The following GLI3 variants were observed in gnomAD, a reference collection of about 807,000 sequenced individuals.
The protein encoded by GLI3 is GLI family zinc finger 3, also known as transcription activator GLI3.
In GLI3, 20 loss-of-function variants were observed where a neutral mutation model predicts 100.8. The ratio of observed to expected loss-of-function variants is 0.20; its 90% CI spans 0.14 to 0.29. The LOEUF is 0.29. Ranked by LOEUF, GLI3 falls within the 10% of genes least tolerant of loss-of-function variation. The probability of loss-of-function intolerance (pLI) is 1.00; values close to 1 mark genes in which losing one functional copy is unlikely to be tolerated. For synonymous variants in GLI3, 938 were observed against 860.5 expected (o/e 1.09, Z -1.58); for missense variants, 2,040 against 2,128.5 (o/e 0.96, Z 0.82).
chr7:41,987,679 T>C (rs1443383282), intron 10 of GLI3, among the ~76,000 whole-genome samples: 1 of 152,188 alleles, frequency 6.6e-6, no homozygotes, highest in Non-Finnish European at 1.5e-5. Context: ...TAACATCAGT[T>C]CAAGTATGCA....
intron 2 of GLI3, among the ~76,000 whole-genome samples, chr7:42,156,007 TGACGAGGTCAGCG>T (rs1786994465): frequency 6.6e-6 from 1 of 152,146 alleles, no homozygotes; most frequent in Non-Finnish European, 1.5e-5. Flanking sequence ...TGAACACTGA[TGACGAGGTCAGCG>T]AAGATTGCTG....
chr7:42,038,857 CTT>C (rs997323329), intron 7 of GLI3, among the ~76,000 whole-genome samples: 1 of 152,048 alleles, frequency 6.6e-6, no homozygotes, highest in Non-Finnish European at 1.5e-5. Flanking sequence ...ACTGCAAACA[CTT>C]TTTTTTCTGA....
At position 42,009,604 on chromosome 7, in the gene GLI3, C is replaced by T. The variant is rs535285498; in HGVS notation, c.1497+13864G>A. Among the ~76,000 whole-genome samples, 10 of 151,482 alleles carry T rather than the reference C, an allele frequency of 6.6e-5. 1 individual carries two copies. In the South Asian group the frequency reaches 1.2e-3, roughly 19 times the overall value. On this transcript the variant is annotated intron_variant, in intron 10 of 14. Transcript: ENST00000395925. ...GGCCTCTGACTCCCTTACCAATCAA[C>T]GATCTTACTCTTGTGTCAGCTGGGC...
intron 3 of GLI3, among the ~76,000 whole-genome samples, 160 bp from the exon 4 acceptor site, chr7:42,077,017 G>A (rs897938514): frequency 1.3e-5 from 2 of 152,338 alleles, no homozygotes; most frequent in African/African-American, 4.8e-5. Flanking sequence ...GCTCTGTGAG[G>A]TACTGCAGCA....
At chr7:41,988,921 G>C (rs1412258369) in intron 10 of GLI3, among the ~76,000 whole-genome samples, 1 of 152,196 alleles carries the variant, frequency 6.6e-6, no homozygotes, top group Non-Finnish European at 1.5e-5. Context: ...GAGCTTCTCA[G>C]AGTTTCTTTC....
intron 4 of GLI3, among the ~76,000 whole-genome samples, chr7:42,056,383 G>A (rs1043432036): frequency 2.0e-5 from 3 of 152,120 alleles, no homozygotes; most frequent in African/African-American, 7.2e-5. Context: ...ATGAGTGGTG[G>A]CACAGCTAAA....
Position 42,048,531 on chromosome 7 carries a change from G to A in GLI3, c.639C>T (p.Leu213=), listed in dbSNP as rs1784291362. The A allele has an allele frequency of 1.2e-6, 2 of 1,613,406 alleles. No homozygotes were observed. The highest frequency in any genetic ancestry group is 2.7e-5 in the African/African-American group (2 of 74,714). The part of the protein sequence containing the change: ...YIRSLHSSPS[L]SMISATRGLS... Reference sequence around the variant, plus strand: ...GCCCACGGGTTGCTGAGATCATGGAGAGCGATGGGCTGCTGTGCAAGGAGC... The same window carrying A: ...GCCCACGGGTTGCTGAGATCATGGAAAGCGATGGGCTGCTGTGCAAGGAGC... Residue 213 remains leucine, a synonymous_variant, in exon 5 of 15, where the codon CTC becomes CTT. Coordinates refer to ENST00000395925, the MANE Select transcript of GLI3 (RefSeq NM_000168.6).
chr7:42,114,713 G>A (rs1037991030), intron 3 of GLI3, among the ~76,000 whole-genome samples: 112 of 152,086 alleles, frequency 7.4e-4, no homozygotes, highest in African/African-American at 2.7e-3. Context: ...TTGTTTGTTT[G>A]TTTTGTGAGA....
chr7:42,091,996 C>CCT (rs1279619139), intron 3 of GLI3, among the ~76,000 whole-genome samples: 4 of 152,348 alleles, frequency 2.6e-5, no homozygotes, highest in Non-Finnish European at 1.5e-5. Flanking sequence ...CCAAGCTGGG[C>CCT]CTCGAAACCC....
chr7:41,976,114 G>A (rs771666284), intron 12 of GLI3, among the ~76,000 whole-genome samples: 10 of 151,990 alleles, frequency 6.6e-5, no homozygotes, highest in Non-Finnish European at 1.5e-4. Flanking sequence ...TCTCCCCTCT[G>A]CTTTTGGCAA....
chr7:42,100,686 G>A (rs958982517), intron 3 of GLI3, among the ~76,000 whole-genome samples: 1 of 152,126 alleles, frequency 6.6e-6, no homozygotes, highest in Non-Finnish European at 1.5e-5. Flanking sequence ...AGGTTTCAGT[G>A]AGCTGAGATT....
intron 2 of GLI3, among the ~76,000 whole-genome samples, chr7:42,158,158 G>C (rs1461249820): frequency 6.6e-6 from 1 of 152,196 alleles, no homozygotes; most frequent in Non-Finnish European, 1.5e-5. Flanking sequence ...AATGGGAAAT[G>C]CGTTAACAAC....
chr7:42,214,498 GAA>G (rs952191117), intron 2 of GLI3, among the ~76,000 whole-genome samples: 27 of 145,364 alleles, frequency 1.9e-4, no homozygotes, highest in South Asian at 1.8e-3. Flanking sequence ...CCAGGAAGAG[GAA>G]AGAGTCGAAG....
chr7:42,214,676 AT>A (rs796180405), intron 2 of GLI3, among the ~76,000 whole-genome samples: 145 of 151,904 alleles, frequency 9.5e-4, no homozygotes, highest in Middle Eastern at 3.4e-3. Flanking sequence ...CAAAAAAAAA[AT>A]AGCAAAGCAT....
intron 10 of GLI3, among the ~76,000 whole-genome samples, chr7:42,020,425 T>C (rs1016996320): frequency 3.9e-5 from 6 of 152,164 alleles, no homozygotes; most frequent in Non-Finnish European, 7.3e-5. Flanking sequence ...ATATCAATTA[T>C]AGATAGTGAC....
intron 2 of GLI3, among the ~76,000 whole-genome samples, chr7:42,218,396 A>G (rs1788418073): frequency 1.3e-5 from 2 of 151,804 alleles, no homozygotes. Flanking sequence ...CTAGAAGACC[A>G]ACAGACATCA....
At chr7:42,132,391 C>T (rs1055195837) in intron 3 of GLI3, among the ~76,000 whole-genome samples, 39 of 152,236 alleles carry the variant, frequency 2.6e-4, no homozygotes, top group South Asian at 6.2e-4. Flanking sequence ...TGAGCCACCG[C>T]GCCCGGCCGG....
rs117527032 is a variant in GLI3, at chr7:42,187,161, C to T, written c.124+35969G>A. On this transcript the variant is annotated intron_variant, in intron 2 of 14. Transcript: ENST00000395925. The stretch of plus-strand genomic sequence containing the variant: ...GGGAGGTTGAGGCTACAGTAAGCCC[C>T]GATCATGCCACTACACTCAAGTCTG... Among the ~76,000 whole-genome samples, 114 of 149,574 alleles carry T rather than the reference C, an allele frequency of 7.6e-4. 4 individuals are homozygous for T. In the East Asian group the frequency reaches 0.018, roughly 24 times the overall value.
At chr7:42,262,513 G>A (rs186977125) in intron 1 of GLI3, among the ~76,000 whole-genome samples, 188 of 152,152 alleles carry the variant, frequency 1.2e-3, no homozygotes, top group African/African-American at 4.2e-3. Context: ...TCCTGCCCCG[G>A]CCTCCCAAAG....
Sources: allele counts gnomAD v4.1 joint callset (sites outside exome capture counted in the v4.1 genomes callset), GRCh38; gene constraint gnomAD v4.1.1; transcripts MANE v1.5; gene names NCBI Gene and HGNC (gene_info 2026-07-23, HGNC 2026-07-21).